Variants in ACAN observed in about 807,000 individuals in gnomAD.
ACAN encodes aggrecan core protein.
Under a neutral mutation model 169.1 loss-of-function variants are expected in ACAN, and 47 were observed. The ratio of observed to expected loss-of-function variants is 0.28; its 90% CI spans 0.22 to 0.35. ACAN has a LOEUF of 0.35. Ranked by LOEUF, ACAN falls within the 10% of genes least tolerant of loss-of-function variation. The pLI is 1.00. For missense variants in ACAN, 2,716 were observed against 2,759.9 expected, an observed-to-expected ratio of 0.98 and a Z score of 0.36; for synonymous variants, 1,115 against 1,112.2, an observed-to-expected ratio of 1.00 and a Z score of -0.05.
In ACAN at chr15:88,851,585, C is replaced by A; in HGVS notation, c.2027-209C>A. Reference sequence around the variant, plus strand: ...ATTCTGCAGGGGAGATGCCCCAGATCACTGGAACTAAAGTGCTGATGGTGC... The same window carrying A: ...ATTCTGCAGGGGAGATGCCCCAGATAACTGGAACTAAAGTGCTGATGGTGC... On this transcript the variant is annotated intron_variant, in intron 10 of 18. Transcript: ENST00000560601. The surrounding 1 kb of genome is among the most constrained non-coding windows in gnomAD (Gnocchi z 4.3). 1.8e-6 allele frequency: 1 copy of A among 547,418 alleles called. No homozygotes were observed. Among genetic ancestry groups the A allele is most frequent in the Non-Finnish European group, 3.2e-6 (1 of 315,320 alleles). The allele number at this position is 547,418 out of a possible 1,614,324, so 33.9% of individuals were successfully genotyped here. A position where few individuals can be genotyped will look rare whatever the true frequency, so the allele number is the denominator to read the frequency against.
rs28407189 is a variant in ACAN, at chr15:88,857,449, A to G, written c.4864A>G (p.Thr1622Ala). 0.038 allele frequency: 61,373 copies of G among 1,613,870 alleles called. 2,306 individuals carry two copies. Among genetic ancestry groups the G allele is most frequent in the African/African-American group, 0.18 (13,649 of 75,026 alleles). The change falls in exon 12 of 19, where the codon ACA (threonine) becomes GCA (alanine). Residue 1622 changes from threonine to alanine, a missense_variant. Around this residue, in one of 3 missense-constraint regions of ACAN, gnomAD observed 1,389 missense variants for 1,363.7 expected, o/e 1.02. Coordinates refer to ENST00000560601, the MANE Select transcript of ACAN (RefSeq NM_001369268.1). ...TCTAGGAAGTGGGCAAGCTCCAGAA[A>G]CAAGTGGTCTTCCCTCTGGATTTAG... is the stretch of plus-strand genomic sequence containing the variant. ...GTLGSGQAPE[T>A]SGLPSGFSGE...
intron 13 of ACAN, among the ~76,000 whole-genome samples, chr15:88,862,879 T>C (rs1897222630): frequency 6.6e-6 from 1 of 151,482 alleles, no homozygotes; most frequent in Admixed American, 6.6e-5. Flanking sequence ...ACCCCTGTAA[T>C]CCTAGCTACT....
At chr15:88,820,609 T>G (rs1044992714) in intron 1 of ACAN, among the ~76,000 whole-genome samples, 1 of 152,148 alleles carries the variant, frequency 6.6e-6, no homozygotes, top group Non-Finnish European at 1.5e-5. Context: ...CCTCTACATG[T>G]CATATTGTAC....
Position 88,847,432 on chromosome 15 carries a change from C to A in ACAN, c.1604+15C>A. 6.5e-7 allele frequency: 1 copy of A among 1,549,462 alleles called. No individual in the cohort carries two copies. The highest frequency in any genetic ancestry group is 8.8e-7 in the Non-Finnish European group (1 of 1,141,910). On this transcript the variant is annotated intron_variant, in intron 8 of 18. Transcript: ENST00000560601. ...CAGACCGTCAGGTGAAGCCATGCTC[C>A]TCGCCCAGCCCAAACCCAATTGAAG...
intron 1 of ACAN, among the ~76,000 whole-genome samples, chr15:88,816,454 G>A (rs530489652): frequency 3.4e-4 from 52 of 152,356 alleles, no homozygotes; most frequent in African/African-American, 9.4e-4. Flanking sequence ...TGAGTAGAAA[G>A]TGTTTGAATG....
rs910978663 is a variant in ACAN, at chr15:88,869,807, G to A, written c.7060+1478G>A. ...AATCCTGAGTCCTCACCACTCCACGGTGCCTCCTGCCTTGGCTCTGTCCCT... is the reference window on the plus strand; with the variant it reads ...AATCCTGAGTCCTCACCACTCCACGATGCCTCCTGCCTTGGCTCTGTCCCT... On this transcript the variant is annotated intron_variant, in intron 14 of 18. Transcript: ENST00000560601. This position sits in a 1 kb window ranked among gnomAD's most constrained non-coding sequence, Gnocchi z 4.2. Among the ~76,000 whole-genome samples, 1 of 152,086 alleles carries A rather than the reference G, an allele frequency of 6.6e-6. No homozygotes were observed. Among genetic ancestry groups the A allele is most frequent in the African/African-American group, 2.4e-5 (1 of 41,398 alleles).
Position 88,849,875 on chromosome 15 carries a change from C to G in ACAN, c.2026+144C>G. 1.7e-6 allele frequency: 2 copies of G among 1,176,482 alleles called. No individual in the cohort carries two copies. The highest frequency in any genetic ancestry group is 2.5e-5 in the East Asian group (1 of 39,248). 72.9% of individuals were successfully genotyped at this position (1,176,482 alleles called of 1,614,324 possible). On this transcript the variant is annotated intron_variant, in intron 10 of 18. Coordinates refer to ENST00000560601, the MANE Select transcript of ACAN (RefSeq NM_001369268.1). The surrounding 1 kb of genome is among the most constrained non-coding windows in gnomAD (Gnocchi z 5.1). ...TCTGGGGCAGAGCCAGCTCTGAAAC[C>G]AGCACAACGCAGGCTTTGACCCCAA...
chr15:88,811,409 C>G, intron 1 of ACAN, among the ~76,000 whole-genome samples: 1 of 152,230 alleles, frequency 6.6e-6, no homozygotes, highest in Non-Finnish European at 1.5e-5. Context: ...AGGGGAGACC[C>G]CACCAGGTAG....
In ACAN at chr15:88,861,267, T is replaced by C. The variant is rs1567189854; in HGVS notation, c.6946+828T>C. On this transcript the variant is annotated intron_variant, in intron 13 of 18. Transcript: ENST00000560601. This position sits in a 1 kb window ranked among gnomAD's most constrained non-coding sequence, Gnocchi z 6.3. ...AACCCCAGTGCCCTTATCCCCAGCC[T>C]CCCTCCTAGGTCAAGAATCAGAGAC... 6.6e-6 allele frequency among the ~76,000 whole-genome samples: 1 copy of C among 151,946 alleles called. No individual in the cohort carries two copies. Among genetic ancestry groups the C allele is most frequent in the African/African-American group, 2.4e-5 (1 of 41,338 alleles).
intron 2 of ACAN, 149 bp downstream of exon 2, chr15:88,836,425 C>T: frequency 1.4e-6 from 1 of 733,110 alleles, no homozygotes. Context: ...CCTGTTGATG[C>T]ATGCATAACT....
In ACAN at chr15:88,838,645, C is replaced by A. The variant is rs529944720; in HGVS notation, c.71-18C>A. The A allele has an allele frequency of 6.4e-7, 1 of 1,559,362 alleles. No homozygotes were observed. The highest frequency in any genetic ancestry group is 1.4e-5 in the African/African-American group (1 of 74,064). On this transcript the variant is annotated intron_variant, in intron 2 of 18. Coordinates refer to ENST00000560601, the MANE Select transcript of ACAN (RefSeq NM_001369268.1). The surrounding 1 kb of genome is among the most constrained non-coding windows in gnomAD (Gnocchi z 5.1). ...AGGCACTAACAGGTCTCTCTTCTAC[C>A]CCACCTCTCCCACACAGACCATGAC...
intron 1 of ACAN, among the ~76,000 whole-genome samples, chr15:88,805,851 T>C (rs1396957475): frequency 6.6e-6 from 1 of 152,204 alleles, no homozygotes; most frequent in Non-Finnish European, 1.5e-5. Flanking sequence ...GGCACACCTC[T>C]TGCCCCTGTT....
Position 88,838,829 on chromosome 15 carries a change from C to T in ACAN, c.237C>T (p.Ser79=). ...CAAGAATCAAGTGGAGCCGTGTGTCCAAGGAGAAGGAGGTAGTGCTGCTGG... is the reference window on the plus strand; with the variant it reads ...CAAGAATCAAGTGGAGCCGTGTGTCTAAGGAGAAGGAGGTAGTGCTGCTGG... The part of the protein sequence containing the change: ...LAPRIKWSRV[S]KEKEVVLLVA... Residue 79 remains serine (S), a synonymous_variant, in exon 3 of 19, where the codon TCC becomes TCT. Coordinates refer to ENST00000560601, the MANE Select transcript of ACAN (RefSeq NM_001369268.1). This position sits in a 1 kb window ranked among gnomAD's most constrained non-coding sequence, Gnocchi z 5.1. 1.2e-6 allele frequency: 2 copies of T among 1,613,976 alleles called. No individual in the cohort carries two copies. The highest frequency in any genetic ancestry group is 1.3e-5 in the African/African-American group (1 of 75,018).
Position 88,874,038 on chromosome 15 carries a change from C to T in ACAN, c.7630+14C>T, listed in dbSNP as rs571354375. The T allele has an allele frequency of 1.7e-5, 28 of 1,607,256 alleles. No individual in the cohort carries two copies. The highest frequency in any genetic ancestry group is 8.8e-5 in the South Asian group (8 of 90,968). ...CCTGCACAGACCGTGAGCATCACCCCGGCCATCTCGCTGAGCACAGGGTTA... is the reference window on the plus strand; with the variant it reads ...CCTGCACAGACCGTGAGCATCACCCTGGCCATCTCGCTGAGCACAGGGTTA... On this transcript the variant is annotated intron_variant, in intron 18 of 18. Transcript: ENST00000560601. This position sits in a 1 kb window ranked among gnomAD's most constrained non-coding sequence, Gnocchi z 7.3.
Position 88,834,071 on chromosome 15 carries a change from G to A in ACAN, c.-7-2129G>A, listed in dbSNP as rs74028471. ...TCCCAGCCGCAACTCGTCACATGGG[G>A]CTTGAACCAGAGCCCCTCATGGTGC... On this transcript the variant is annotated intron_variant, in intron 1 of 18. Coordinates refer to ENST00000560601, the MANE Select transcript of ACAN (RefSeq NM_001369268.1). Among the ~76,000 whole-genome samples, 325 of 152,266 alleles carry A rather than the reference G, an allele frequency of 2.1e-3. 5 individuals are homozygous for A. Among genetic ancestry groups the A allele is most frequent in the South Asian group, 0.021 (99 of 4,828 alleles).
chr15:88,820,984 T>C (rs1317611867), intron 1 of ACAN, among the ~76,000 whole-genome samples: 2 of 152,118 alleles, frequency 1.3e-5, no homozygotes, highest in Non-Finnish European at 2.9e-5. Flanking sequence ...CTTCACATGA[T>C]GGCAGGAAGG....
At position 88,857,239 on chromosome 15, in the gene ACAN, G is replaced by A. The variant is rs1897075065; in HGVS notation, c.4654G>A (p.Gly1552Arg). The A allele has an allele frequency of 6.2e-7, 1 of 1,613,838 alleles. No individual in the cohort carries two copies. Among genetic ancestry groups the A allele is most frequent in the Non-Finnish European group, 8.5e-7 (1 of 1,179,878 alleles). ...GGACCTCAGTGGACTTCCTTCTGGA[G>A]GAGAAGGTCTAGAGACCTCTGCTTC... ...FGDLSGLPSG[G>R]EGLETSASEV... The change falls in exon 12 of 19, where the codon GGA (glycine) becomes AGA (arginine). Residue 1552 changes from glycine (G) to arginine (R), a missense_variant. Physicochemically the swap from Gly to Arg is moderately radical, Grantham distance 125. This residue lies in a region of ACAN where 1,389 missense variants were observed against 1,363.7 expected (regional missense o/e 1.02). Transcript: ENST00000560601.
intron 1 of ACAN, among the ~76,000 whole-genome samples, chr15:88,827,387 A>C (rs1896250695): frequency 6.6e-6 from 1 of 152,252 alleles, no homozygotes; most frequent in Non-Finnish European, 1.5e-5. Context: ...ACAAATGACC[A>C]TTCACTTACA....
chr15:88,851,446 C>T lies in ACAN; in HGVS notation c.2027-348C>T, dbSNP rs73465055. The T allele has an allele frequency of 2.7e-3, 561 of 210,386 alleles. 2 individuals carry two copies. The highest frequency in any genetic ancestry group is 0.011 in the African/African-American group (484 of 43,426). The allele number at this position is 210,386 out of a possible 1,614,324, so 13.0% of individuals were successfully genotyped here. ...CTGGGCAAATCATGTAACTCTGTGCCTCAGTTTCCCCATCTGTAAAATGAG... is the reference window on the plus strand; with the variant it reads ...CTGGGCAAATCATGTAACTCTGTGCTTCAGTTTCCCCATCTGTAAAATGAG... On this transcript the variant is annotated intron_variant, in intron 10 of 18. Transcript: ENST00000560601. This position sits in a 1 kb window ranked among gnomAD's most constrained non-coding sequence, Gnocchi z 4.3.
Sources: allele counts gnomAD v4.1 joint callset (sites outside exome capture counted in the v4.1 genomes callset), GRCh38; gene constraint gnomAD v4.1.1; regional missense constraint gnomAD v4.1.1; non-coding constraint Gnocchi (gnomAD v3.1); transcripts MANE v1.5; gene names NCBI Gene and HGNC (gene_info 2026-07-23, HGNC 2026-07-21).